NYAP2: variants seen among roughly 807,000 people sequenced by gnomAD.
The protein encoded by NYAP2 is neuronal tyrosine-phosphorylated phosphoinositide-3-kinase adaptor 2, also known as neuronal tyrosine-phosphorylated phosphoinositide-3-kinase adapter 2.
In NYAP2, 23 loss-of-function variants were observed where a neutral mutation model predicts 50.4. The ratio of observed to expected loss-of-function variants is 0.46; its 90% CI spans 0.33 to 0.65. The LOEUF (loss-of-function observed/expected upper bound fraction) is 0.65. Ranked by LOEUF, NYAP2 falls within the 30% of genes least tolerant of loss-of-function variation. The probability of loss-of-function intolerance (pLI) is 0.02; values close to 1 mark genes in which losing one functional copy is unlikely to be tolerated. For missense variants in NYAP2, 885 were observed against 861.0 expected, an observed-to-expected ratio of 1.03 and a Z score of -0.35; for synonymous variants, 394 against 365.2, an observed-to-expected ratio of 1.08 and a Z score of -0.90.
chr2:225,476,197 A>T (rs1481825583), intron 3 of NYAP2, among the ~76,000 whole-genome samples: 1 of 152,130 alleles, frequency 6.6e-6, no homozygotes, highest in Non-Finnish European at 1.5e-5. Flanking sequence ...GCGGATCACG[A>T]GGTCAGGAGA....
the NYAP2 span, among the ~76,000 whole-genome samples, chr2:225,691,296 C>G: frequency 1.3e-5 from 2 of 151,842 alleles, no homozygotes; most frequent in African/African-American, 2.4e-5. Context: ...GTAGACAGTA[C>G]GTCAACAAAT....
chr2:225,523,583 A>C (rs1397878703), intron 4 of NYAP2, among the ~76,000 whole-genome samples: 1 of 152,164 alleles, frequency 6.6e-6, no homozygotes, highest in Non-Finnish European at 1.5e-5. Flanking sequence ...AAATGGAAAA[A>C]CATCCATGTT....
the NYAP2 span, among the ~76,000 whole-genome samples, chr2:225,670,166 T>G: frequency 6.6e-6 from 1 of 152,188 alleles, no homozygotes; most frequent in African/African-American, 2.4e-5. Context: ...TCTGTATCCT[T>G]GGCCTTCACA....
intron 3 of NYAP2, among the ~76,000 whole-genome samples, chr2:225,457,070 C>T (rs149419806): frequency 2.0e-5 from 3 of 152,298 alleles, no homozygotes; most frequent in Non-Finnish European, 4.4e-5. Context: ...TGATGGTGCT[C>T]CTGCTCTGTC....
chr2:225,676,169 T>C, the NYAP2 span, among the ~76,000 whole-genome samples: 1 of 152,162 alleles, frequency 6.6e-6, no homozygotes, highest in African/African-American at 2.4e-5. Flanking sequence ...AGGCCCCACA[T>C]CAATTTTTGA....
chr2:225,646,290 G>A (rs1248553263), intron 6 of NYAP2, among the ~76,000 whole-genome samples: 3 of 152,208 alleles, frequency 2.0e-5, no homozygotes, highest in African/African-American at 7.2e-5. Context: ...GGTGGCTCAT[G>A]CCTGCAATCC....
At chr2:225,672,695 G>A in the NYAP2 span, among the ~76,000 whole-genome samples, 3 of 152,018 alleles carry the variant, frequency 2.0e-5, no homozygotes, top group South Asian at 2.1e-4. Flanking sequence ...GATTCAAAGC[G>A]AGTAATGTGC....
chr2:225,467,025 G>A (rs1387270814), intron 3 of NYAP2, among the ~76,000 whole-genome samples: 1 of 152,134 alleles, frequency 6.6e-6, no homozygotes, highest in Non-Finnish European at 1.5e-5. Context: ...TTTGACTTGG[G>A]GTTTTCTACG....
chr2:225,425,670 G>A (rs937727236), intron 3 of NYAP2, among the ~76,000 whole-genome samples: 13 of 152,066 alleles, frequency 8.5e-5, no homozygotes, highest in African/African-American at 3.1e-4. Flanking sequence ...TTTTCCCTGT[G>A]GTAGGATGGA....
In NYAP2 at chr2:225,498,441, G is replaced by A. The variant is rs191058363; in HGVS notation, c.222-14930G>A. ...GAAGAATTATGTGAGTGGATATGAC[G>A]AGATAAGAAAGAAGGCTGGGCCACA... On this transcript the variant is annotated intron_variant, in intron 3 of 6. Coordinates refer to ENST00000636099, the Ensembl canonical transcript of NYAP2. Among the ~76,000 whole-genome samples the A allele has an allele frequency of 1.8e-3, 280 of 152,156 alleles. 1 individual carries two copies. Among genetic ancestry groups the A allele is most frequent in the African/African-American group, 6.4e-3 (267 of 41,514 alleles).
chr2:225,526,837 G>C (rs1346256748), intron 4 of NYAP2, among the ~76,000 whole-genome samples: 1 of 152,182 alleles, frequency 6.6e-6, no homozygotes, highest in African/African-American at 2.4e-5. Context: ...TATGAGGAAA[G>C]GATGTAGGAG....
At chr2:225,679,818 TTTTTGAC>T in the NYAP2 span, among the ~76,000 whole-genome samples, 1 of 152,082 alleles carries the variant, frequency 6.6e-6, no homozygotes, top group African/African-American at 2.4e-5. Context: ...ATCTATTTTA[TTTTTGAC>T]TTTTATCTTT....
chr2:225,456,344 G>C (rs1689739488), intron 3 of NYAP2, among the ~76,000 whole-genome samples: 1 of 152,184 alleles, frequency 6.6e-6, no homozygotes, highest in African/African-American at 2.4e-5. Context: ...TTACTGACTT[G>C]TGTCCTGGCA....
At chr2:225,675,840 A>G in the NYAP2 span, among the ~76,000 whole-genome samples, 5 of 152,086 alleles carry the variant, frequency 3.3e-5, no homozygotes, top group African/African-American at 1.2e-4. Context: ...CACCATTCCA[A>G]TTGATGTGAG....
chr2:225,655,931 C>CACAT (rs1693817841), downstream of NYAP2, among the ~76,000 whole-genome samples: 1 of 146,856 alleles, frequency 6.8e-6, no homozygotes, highest in Non-Finnish European at 1.5e-5. Flanking sequence ...CACACACATA[C>CACAT]ACACATACAC....
At chr2:225,547,826 G>C (rs1691611142) in intron 4 of NYAP2, among the ~76,000 whole-genome samples, 1 of 152,146 alleles carries the variant, frequency 6.6e-6, no homozygotes. Flanking sequence ...TTTGTGTGTA[G>C]ACAGTTGTTA....
chr2:225,482,513 G>A (rs1449527895), intron 3 of NYAP2, among the ~76,000 whole-genome samples: 1 of 152,160 alleles, frequency 6.6e-6, no homozygotes, highest in Non-Finnish European at 1.5e-5. Context: ...TAAAAGGAAA[G>A]TACTGCTACT....
the NYAP2 span, among the ~76,000 whole-genome samples, chr2:225,690,517 T>G: frequency 6.6e-6 from 1 of 152,062 alleles, no homozygotes; most frequent in Non-Finnish European, 1.5e-5. Context: ...CAAATTAAAT[T>G]TATATTTTTC....
At chr2:225,530,880 C>T (rs1260412846) in intron 4 of NYAP2, among the ~76,000 whole-genome samples, 1 of 152,152 alleles carries the variant, frequency 6.6e-6, no homozygotes, top group Non-Finnish European at 1.5e-5. Context: ...CAAGTCCAGC[C>T]AATTCTGCTC....
Sources: allele counts gnomAD v4.1 joint callset (sites outside exome capture counted in the v4.1 genomes callset), GRCh38; gene constraint gnomAD v4.1.1; transcripts MANE v1.5; gene names NCBI Gene and HGNC (gene_info 2026-07-23, HGNC 2026-07-21).